The following ZNF407 variants were observed in gnomAD, a reference collection of about 807,000 sequenced individuals.
The protein encoded by ZNF407 is zinc finger protein 407.
In ZNF407, 17 loss-of-function variants were observed where a neutral mutation model predicts 131.2. The observed-to-expected ratio is 0.13, with a 90% CI of 0.09 to 0.19. ZNF407 has a LOEUF of 0.19. ZNF407 is among the 10% of genes least tolerant of loss of function. ZNF407 has a pLI of 1.00. For missense variants in ZNF407, 2,681 were observed against 2,830.6 expected (o/e 0.95, Z 1.20); for synonymous variants, 1,156 against 1,062.0 (o/e 1.09, Z -1.72).
intron 4 of ZNF407, among the ~76,000 whole-genome samples, chr18:74,829,106 C>T (rs980404984): frequency 6.6e-6 from 1 of 152,184 alleles, no homozygotes; most frequent in Non-Finnish European, 1.5e-5. Flanking sequence ...ATTTTAATAG[C>T]TTAATTCTAA....
At chr18:74,922,252 A>G (rs965530784) in intron 8 of ZNF407, among the ~76,000 whole-genome samples, 4 of 152,200 alleles carry the variant, frequency 2.6e-5, no homozygotes, top group African/African-American at 4.8e-5. Context: ...CAGATACCAG[A>G]AACACCACCT....
chr18:74,682,686 A>G (rs1246869589), intron 3 of ZNF407, among the ~76,000 whole-genome samples: 3 of 152,210 alleles, frequency 2.0e-5, no homozygotes, highest in African/African-American at 4.8e-5. Context: ...ACATAAGAAC[A>G]TATTACAATG....
intron 3 of ZNF407, among the ~76,000 whole-genome samples, chr18:74,698,629 C>A (rs1967417247): frequency 6.6e-6 from 1 of 152,152 alleles, no homozygotes; most frequent in African/African-American, 2.4e-5. Context: ...GAGCTCTTTG[C>A]TCCACACTCA....
At chr18:75,027,898 C>T (rs1973190049) in intron 8 of ZNF407, among the ~76,000 whole-genome samples, 1 of 152,108 alleles carries the variant, frequency 6.6e-6, no homozygotes, top group Non-Finnish European at 1.5e-5. Flanking sequence ...TCAGAATGAG[C>T]CTGTACTTTC....
Position 74,654,392 on chromosome 18 carries a change from C to A in ZNF407, c.4802+13270C>A, listed in dbSNP as rs570157. On this transcript the variant is annotated intron_variant, in intron 3 of 8. Coordinates refer to ENST00000299687, the MANE Select transcript of ZNF407 (RefSeq NM_017757.3). ...TTTTGGCCAGACTTTAAACAAATTTCTTTGATTTCATTTCTATGAAAATTC... is the reference window on the plus strand; with the variant it reads ...TTTTGGCCAGACTTTAAACAAATTTATTTGATTTCATTTCTATGAAAATTC... 6.0e-3 allele frequency among the ~76,000 whole-genome samples: 906 copies of A among 151,796 alleles called. 10 individuals carry two copies. The highest frequency in any genetic ancestry group is 0.031 in the Middle Eastern group (9 of 294).
In ZNF407 at chr18:74,634,688, A is replaced by C. The variant is rs766381900; in HGVS notation, c.3669A>C (p.Ala1223=). Residue 1223 remains alanine, a synonymous_variant, in exon 2 of 9, where the codon GCA becomes GCC. Transcript: ENST00000299687. ...AKKNHEISND[A]GELRVHCEGE... ...AAAACCATGAGATATCGAATGATGCAGGTGAGCTGCGTGTCCATTGTGAGG... is the reference window on the plus strand; with the variant it reads ...AAAACCATGAGATATCGAATGATGCCGGTGAGCTGCGTGTCCATTGTGAGG... 5 of 1,614,064 alleles carry C rather than the reference A, an allele frequency of 3.1e-6. No individual in the cohort carries two copies. The highest frequency in any genetic ancestry group is 3.3e-4 in the Middle Eastern group (2 of 6,062).
intron 3 of ZNF407, among the ~76,000 whole-genome samples, chr18:74,651,864 TC>T (rs1985241907): frequency 6.6e-6 from 1 of 152,144 alleles, no homozygotes; most frequent in Admixed American, 6.6e-5. Flanking sequence ...AATAGGGACA[TC>T]ACATTATTTT....
At chr18:74,973,900 G>C (rs1180220107) in intron 8 of ZNF407, among the ~76,000 whole-genome samples, 1 of 152,132 alleles carries the variant, frequency 6.6e-6, no homozygotes, top group Non-Finnish European at 1.5e-5. Context: ...TTGAATTAGG[G>C]AGCTGCAGTA....
At chr18:74,890,775 C>T (rs1294022227) in intron 7 of ZNF407, among the ~76,000 whole-genome samples, 2 of 152,060 alleles carry the variant, frequency 1.3e-5, no homozygotes, top group Non-Finnish European at 2.9e-5. Context: ...CAGGGGAGTA[C>T]ATAAAGGATT....
At chr18:75,027,111 T>C (rs1360427581) in intron 8 of ZNF407, among the ~76,000 whole-genome samples, 1 of 152,158 alleles carries the variant, frequency 6.6e-6, no homozygotes, top group Admixed American at 6.5e-5. Context: ...ATTCTGGAAG[T>C]GCTGTCTGAG....
intron 8 of ZNF407, among the ~76,000 whole-genome samples, chr18:75,019,485 ATTTAAATTGCTTTTTAAATTAT>A (rs1973081865): frequency 1.3e-5 from 2 of 152,154 alleles, no homozygotes; most frequent in South Asian, 4.1e-4. Context: ...AGAAACAGTT[ATTTAAATTGCTTTTTAAATTAT>A]TTTAAATTGC....
chr18:74,710,770 G>A (rs1967740274), intron 3 of ZNF407, among the ~76,000 whole-genome samples: 1 of 152,176 alleles, frequency 6.6e-6, no homozygotes, highest in Non-Finnish European at 1.5e-5. Flanking sequence ...TCTAATACAT[G>A]TTTTCAGATC....
intron 3 of ZNF407, among the ~76,000 whole-genome samples, chr18:74,677,081 C>T (rs1176833345): frequency 6.6e-6 from 1 of 151,986 alleles, no homozygotes; most frequent in Non-Finnish European, 1.5e-5. Context: ...ATGTGTTTGT[C>T]CTTTACTTTC....
intron 3 of ZNF407, among the ~76,000 whole-genome samples, chr18:74,649,613 C>A (rs1471075844): frequency 6.6e-6 from 1 of 152,100 alleles, no homozygotes; most frequent in African/African-American, 2.4e-5. Flanking sequence ...CTGGTCCAAT[C>A]CATCTAGTGG....
chr18:74,720,538 C>G (rs143101843), intron 3 of ZNF407, among the ~76,000 whole-genome samples: 6 of 151,948 alleles, frequency 3.9e-5, no homozygotes, highest in African/African-American at 1.4e-4. Context: ...CTTTTGTTGC[C>G]TGTGCTTTTC....
chr18:74,910,944 A>T (rs1204832997), intron 7 of ZNF407, among the ~76,000 whole-genome samples: 1 of 151,948 alleles, frequency 6.6e-6, no homozygotes, highest in Non-Finnish European at 1.5e-5. Context: ...AATCCCTGTT[A>T]CCTAGTGTGA....
intron 4 of ZNF407, among the ~76,000 whole-genome samples, chr18:74,818,935 A>G (rs1245111470): frequency 1.3e-5 from 2 of 151,680 alleles, no homozygotes; most frequent in African/African-American, 4.9e-5. Context: ...TAAATCATAA[A>G]GAAAACAATT....
At chr18:74,940,383 G>A (rs62089915) in intron 8 of ZNF407, among the ~76,000 whole-genome samples, 6,822 of 152,196 alleles carry the variant, frequency 0.045, 226 homozygotes, top group Middle Eastern at 0.068. Flanking sequence ...GACTTGTCTG[G>A]GCACTGGGGT....
Position 74,890,044 on chromosome 18 carries a change from G to T in ZNF407, c.5249+6G>T. ...TGCCCCTGGTGTGACTACAGGTAAT[G>T]ACTCATCACTGAGCAGTCAAATCAG... is the stretch of plus-strand genomic sequence containing the variant. On this transcript the variant is annotated splice_donor_region_variant and intron_variant, in intron 7 of 8. Coordinates refer to ENST00000299687, the MANE Select transcript of ZNF407 (RefSeq NM_017757.3). 6.4e-7 allele frequency: 1 copy of T among 1,565,556 alleles called. No homozygotes were observed. Among genetic ancestry groups the T allele is most frequent in the South Asian group, 1.2e-5 (1 of 81,560 alleles).
Sources: gnomAD v4.1 joint callset for allele counts (sites outside exome capture counted in the v4.1 genomes callset) on GRCh38, gnomAD v4.1.1 for gene constraint, MANE v1.5 for transcripts, NCBI Gene and HGNC (gene_info 2026-07-23, HGNC 2026-07-21) for gene names.